STAG1: variants seen among roughly 807,000 people sequenced by gnomAD.
The protein encoded by STAG1 is STAG1 cohesin complex component, also known as cohesin subunit SA-1.
In STAG1, 26 loss-of-function variants were observed where a neutral mutation model predicts 170.9. That is an observed-to-expected ratio of 0.15 (90% CI 0.11 to 0.21). The LOEUF (loss-of-function observed/expected upper bound fraction) is 0.21. STAG1 is among the 10% of genes least tolerant of loss of function. The pLI, the probability that STAG1 is intolerant of heterozygous loss-of-function variation, is 1.00. For missense variants in STAG1, 964 were observed against 1,509.5 expected (o/e 0.64, Z 5.99); for synonymous variants, 514 against 497.7 (o/e 1.03, Z -0.44).
At chr3:136,711,060 A>AATAT (rs369140347) in intron 1 of STAG1, among the ~76,000 whole-genome samples, 342 of 148,494 alleles carry the variant, frequency 2.3e-3, no homozygotes, top group African/African-American at 7.3e-3. Flanking sequence ...CAAAAAGAAA[A>AATAT]ATATATATAT....
intron 9 of STAG1, among the ~76,000 whole-genome samples, chr3:136,495,853 C>T (rs1933053928): frequency 6.6e-6 from 1 of 151,724 alleles, no homozygotes; most frequent in Non-Finnish European, 1.5e-5. Context: ...CCTGTAGTCC[C>T]AGCTACTCGG....
At chr3:136,695,525 T>C (rs1041898186) in intron 1 of STAG1, among the ~76,000 whole-genome samples, 7 of 151,980 alleles carry the variant, frequency 4.6e-5, no homozygotes, top group African/African-American at 1.7e-4. Flanking sequence ...TCGCATGCCT[T>C]TGAACCCTGA....
At chr3:136,363,286 G>C in intron 26 of STAG1, 80 bp downstream of exon 26, 1 of 721,332 alleles carries the variant, frequency 1.4e-6, no homozygotes. Flanking sequence ...AATGAGATGA[G>C]ATACCTAGCA....
intron 29 of STAG1, among the ~76,000 whole-genome samples, chr3:136,347,646 G>A (rs1936282591): frequency 6.6e-6 from 1 of 151,970 alleles, no homozygotes; most frequent in Admixed American, 6.6e-5. Context: ...GGAGCTGCAA[G>A]GTTAAAAAAA....
At chr3:136,477,793 T>G (rs1286000111) in intron 9 of STAG1, among the ~76,000 whole-genome samples, 5 of 152,190 alleles carry the variant, frequency 3.3e-5, no homozygotes, top group Non-Finnish European at 7.3e-5. Context: ...TTAATCTTTT[T>G]TTAAAAAATT....
intron 23 of STAG1, among the ~76,000 whole-genome samples, chr3:136,370,345 CT>C (rs769189953): frequency 1.1e-4 from 16 of 151,702 alleles, no homozygotes; most frequent in African/African-American, 2.2e-4. Context: ...GTATGTGTTT[CT>C]TTTTTTAATT....
intron 13 of STAG1, among the ~76,000 whole-genome samples, chr3:136,461,579 G>C (rs1474513511): frequency 6.8e-6 from 1 of 146,754 alleles, no homozygotes; most frequent in East Asian, 2.0e-4. Context: ...TAACTAGCAA[G>C]ACTCCGTCTT....
intron 1 of STAG1, among the ~76,000 whole-genome samples, chr3:136,740,771 T>C (rs953319480): frequency 2.6e-5 from 4 of 152,180 alleles, no homozygotes; most frequent in African/African-American, 9.7e-5. Context: ...GAAGCCACTA[T>C]GCCTAGCCAA....
intron 10 of STAG1, 64 bp from the exon 11 acceptor site, chr3:136,473,701 A>C (rs983871471): frequency 9.2e-6 from 11 of 1,200,858 alleles, no homozygotes; most frequent in African/African-American, 1.5e-5. Context: ...TTTCAAGTCT[A>C]TATGAAGACT....
At chr3:136,461,979 T>C (rs2089287316) in intron 13 of STAG1, among the ~76,000 whole-genome samples, 1 of 151,956 alleles carries the variant, frequency 6.6e-6, no homozygotes, top group African/African-American at 2.4e-5. Context: ...AAAGTGCAAA[T>C]AAGAAATCAC....
chr3:136,552,262 A>G (rs1936436379), intron 5 of STAG1, among the ~76,000 whole-genome samples: 1 of 152,226 alleles, frequency 6.6e-6, no homozygotes, highest in Admixed American at 6.5e-5. Flanking sequence ...AAAGTTTCAA[A>G]ATTATTCATT....
intron 1 of STAG1, among the ~76,000 whole-genome samples, chr3:136,683,845 C>T (rs1942425010): frequency 1.3e-5 from 2 of 152,258 alleles, no homozygotes; most frequent in South Asian, 4.1e-4. Context: ...GTGATTGTAG[C>T]AAAGTTAATA....
At chr3:136,431,531 A>G (rs2088304409) in intron 16 of STAG1, among the ~76,000 whole-genome samples, 1 of 152,122 alleles carries the variant, frequency 6.6e-6, no homozygotes. Context: ...CAGCCTCCCA[A>G]AGTGCTGGGA....
intron 13 of STAG1, among the ~76,000 whole-genome samples, chr3:136,463,748 T>C (rs1356522656): frequency 0.019 from 1,553 of 82,164 alleles, 17 homozygotes; most frequent in Middle Eastern, 0.037. Flanking sequence ...TGTGTGTGTG[T>C]GTGTGTGTGT....
chr3:136,407,612 C>A (rs966120047), intron 21 of STAG1, among the ~76,000 whole-genome samples: 1 of 151,748 alleles, frequency 6.6e-6, no homozygotes, highest in Admixed American at 6.6e-5. Flanking sequence ...CAGGTGTATG[C>A]CACCATGCCG....
At chr3:136,724,687 A>G (rs1483356566) in intron 1 of STAG1, among the ~76,000 whole-genome samples, 1 of 152,054 alleles carries the variant, frequency 6.6e-6, no homozygotes, top group African/African-American at 2.4e-5. Context: ...TGTGCTCAGT[A>G]GCTCAGAGCC....
chr3:136,404,923 A>G (rs907712204), intron 21 of STAG1, among the ~76,000 whole-genome samples: 8 of 151,928 alleles, frequency 5.3e-5, no homozygotes, highest in Non-Finnish European at 7.4e-5. Context: ...CCTATAGGAC[A>G]TGTTTAAAAA....
chr3:136,611,074 T>C (rs984830426), intron 3 of STAG1, among the ~76,000 whole-genome samples: 6 of 152,214 alleles, frequency 3.9e-5, no homozygotes, highest in African/African-American at 1.2e-4. Flanking sequence ...ATCTTGGGGA[T>C]GGAACTCAAG....
chr3:136,351,626 A>G (rs1037625640), intron 28 of STAG1, among the ~76,000 whole-genome samples: 3 of 152,182 alleles, frequency 2.0e-5, no homozygotes, highest in Non-Finnish European at 4.4e-5. Flanking sequence ...CACTGGCTGA[A>G]CTAACAGCTA....
Sources: allele counts gnomAD v4.1 joint callset (sites outside exome capture counted in the v4.1 genomes callset), GRCh38; gene constraint gnomAD v4.1.1; transcripts MANE v1.5; gene names NCBI Gene and HGNC (gene_info 2026-07-23, HGNC 2026-07-21).